SPON1: variants seen among roughly 807,000 people sequenced by gnomAD.
SPON1 encodes spondin 1.
SPON1 carries 52 observed loss-of-function variants against 111.7 expected under a neutral mutation model. The observed-to-expected ratio is 0.47, with a 90% CI of 0.37 to 0.59. SPON1 has a LOEUF of 0.59. Ranked by LOEUF, SPON1 falls within the 20% of genes least tolerant of loss-of-function variation. The pLI is 0.00. For missense variants in SPON1, 957 were observed against 1,068.5 expected (o/e 0.90, Z 1.46); for synonymous variants, 410 against 395.8 (o/e 1.04, Z -0.43).
chr11:13,979,518 C>G (rs1481468023), intron 1 of SPON1, among the ~76,000 whole-genome samples: 1 of 152,172 alleles, frequency 6.6e-6, no homozygotes, highest in Non-Finnish European at 1.5e-5. Flanking sequence ...GTAGGGGAAG[C>G]AGGACAGCAA....
chr11:14,207,396 G>C (rs924155309), intron 6 of SPON1, among the ~76,000 whole-genome samples: 2 of 152,044 alleles, frequency 1.3e-5, no homozygotes, highest in Non-Finnish European at 2.9e-5. Context: ...CTGCACAGGA[G>C]AGGAAAGTAT....
chr11:13,994,165 T>C (rs551690917), intron 2 of SPON1, among the ~76,000 whole-genome samples: 142 of 152,322 alleles, frequency 9.3e-4, no homozygotes, highest in African/African-American at 3.1e-3. Context: ...AAAATGCTAT[T>C]GCAAGCTTGT....
At position 14,135,314 on chromosome 11, in the gene SPON1, AGTGCTCTTT is replaced by A; in HGVS notation, c.677-104_677-96del. The A allele has an allele frequency of 7.8e-7, 1 of 1,274,804 alleles. No individual in the cohort carries two copies. Among genetic ancestry groups the A allele is most frequent in the Non-Finnish European group, 1.1e-6 (1 of 909,594 alleles). 79.0% of individuals were successfully genotyped at this position (1,274,804 alleles called of 1,614,324 possible). On this transcript the variant is annotated intron_variant, in intron 5 of 15. Transcript: ENST00000576479. The surrounding 1 kb of genome is among the most constrained non-coding windows in gnomAD (Gnocchi z 4.4). ...CCTAAGACAGAATAGGTGCTTAGTC[AGTGCTCTTT>A]GAATCGATGTCCAATTACGCATCCT...
intron 2 of SPON1, among the ~76,000 whole-genome samples, chr11:14,040,461 G>A (rs1554917168): frequency 6.6e-6 from 1 of 152,060 alleles, no homozygotes; most frequent in African/African-American, 2.4e-5. Context: ...ATGCTAAGTA[G>A]AGGAGGAAAA....
intron 2 of SPON1, among the ~76,000 whole-genome samples, chr11:14,034,482 C>G (rs782317557): frequency 6.6e-6 from 1 of 152,180 alleles, no homozygotes; most frequent in Non-Finnish European, 1.5e-5. Flanking sequence ...TTCTGAGAAG[C>G]AAACAATGTT....
chr11:14,103,420 C>A (rs1387499564), intron 5 of SPON1, among the ~76,000 whole-genome samples: 1 of 152,168 alleles, frequency 6.6e-6, no homozygotes, highest in Non-Finnish European at 1.5e-5. Flanking sequence ...CCTAGTCCTG[C>A]AGACATCTGG....
chr11:14,161,306 T>TATATATATATATTTATATATTTATATATA (rs1349583068), intron 6 of SPON1, among the ~76,000 whole-genome samples: 1 of 75,798 alleles, frequency 1.3e-5, no homozygotes, highest in African/African-American at 5.0e-5. Context: ...TATATATATA[T>TATATATATATATTTATATATTTATATATA]TTTTTTATAT....
At chr11:14,138,966 T>C in intron 6 of SPON1, among the ~76,000 whole-genome samples, 1 of 152,160 alleles carries the variant, frequency 6.6e-6, no homozygotes, top group Non-Finnish European at 1.5e-5. Context: ...CTGATGCCCC[T>C]GCCTCTGATT....
At chr11:14,159,142 T>G (rs1554930667) in intron 6 of SPON1, among the ~76,000 whole-genome samples, 1 of 152,154 alleles carries the variant, frequency 6.6e-6, no homozygotes, top group African/African-American at 2.4e-5. Flanking sequence ...CTTATAGTAA[T>G]TAGTAAGACT....
At chr11:14,001,615 C>T (rs782238875) in intron 2 of SPON1, among the ~76,000 whole-genome samples, 5 of 152,130 alleles carry the variant, frequency 3.3e-5, no homozygotes, top group South Asian at 2.1e-4. Flanking sequence ...AAAGATAGAC[C>T]GTTACCCTTT....
At position 14,259,745 on chromosome 11, in the gene SPON1, AGGCGTGGAGGGCCAT is replaced by A; in HGVS notation, c.1831+48_1831+62del. ...GGACTTGGAGGAGGCCACTGGGGAC[AGGCGTGGAGGGCCAT>A]GGCATCCACTATTACCACCATAAAG... On this transcript the variant is annotated intron_variant, in intron 13 of 15. Transcript: ENST00000576479. This position sits in a 1 kb window ranked among gnomAD's most constrained non-coding sequence, Gnocchi z 5.0. The A allele has an allele frequency of 6.5e-7, 1 of 1,535,194 alleles. No homozygotes were observed. Among genetic ancestry groups the A allele is most frequent in the African/African-American group, 1.4e-5 (1 of 73,152 alleles).
chr11:14,222,498 G>A (rs1848691803), intron 6 of SPON1, among the ~76,000 whole-genome samples: 1 of 152,150 alleles, frequency 6.6e-6, no homozygotes, highest in Admixed American at 6.5e-5. Flanking sequence ...GCTGAGGTGG[G>A]ATCTGAACAT....
intron 2 of SPON1, among the ~76,000 whole-genome samples, chr11:14,015,635 G>C (rs1404271503): frequency 6.6e-6 from 1 of 152,234 alleles, no homozygotes; most frequent in Non-Finnish European, 1.5e-5. Context: ...GAATTGATAT[G>C]TCAAAGATGT....
At chr11:14,191,789 G>T (rs1200584827) in intron 6 of SPON1, among the ~76,000 whole-genome samples, 4 of 152,180 alleles carry the variant, frequency 2.6e-5, no homozygotes, top group Admixed American at 2.0e-4. Flanking sequence ...GATTATGAAA[G>T]CTGTAATGGT....
chr11:13,968,507 A>G (rs1421893037), intron 1 of SPON1, among the ~76,000 whole-genome samples: 1 of 152,278 alleles, frequency 6.6e-6, no homozygotes, highest in Non-Finnish European at 1.5e-5. Flanking sequence ...TTAATTGTGT[A>G]TTATTACATA....
Position 13,966,228 on chromosome 11 carries a change from T to C in SPON1, c.238+3086T>C, listed in dbSNP as rs926971991. Among the ~76,000 whole-genome samples, 18 of 152,196 alleles carry C rather than the reference T, an allele frequency of 1.2e-4. 1 individual carries two copies. In the South Asian group the frequency reaches 3.5e-3, roughly 30 times the overall value. On this transcript the variant is annotated intron_variant, in intron 1 of 15. Transcript: ENST00000576479. ...TCCCCCCTCCCTCCAACGGCAATAA[T>C]TGTGCTTTAGAAAGCTCTGAAAGGC... is the stretch of plus-strand genomic sequence containing the variant.
At chr11:14,090,158 ACAGTTCTGT>A (rs1401752703) in intron 5 of SPON1, among the ~76,000 whole-genome samples, 6 of 150,200 alleles carry the variant, frequency 4.0e-5, no homozygotes, top group African/African-American at 1.5e-4. Context: ...GAGTGAATGA[ACAGTTCTGT>A]CTTGCTGGAG....
intron 6 of SPON1, among the ~76,000 whole-genome samples, chr11:14,175,660 G>C (rs1479284604): frequency 1.3e-5 from 2 of 152,138 alleles, no homozygotes; most frequent in Admixed American, 1.3e-4. Flanking sequence ...GAGAAAGAGA[G>C]AGCAAGCAGA....
intron 3 of SPON1, among the ~76,000 whole-genome samples, chr11:14,055,554 A>T (rs1486037052): frequency 6.6e-6 from 1 of 152,248 alleles, no homozygotes; most frequent in Non-Finnish European, 1.5e-5. Flanking sequence ...TTAACGTCCC[A>T]AGAATCTGTG....
Sources: gnomAD v4.1 joint callset for allele counts (sites outside exome capture counted in the v4.1 genomes callset) on GRCh38, gnomAD v4.1.1 for gene constraint, Gnocchi (gnomAD v3.1) non-coding constraint, MANE v1.5 for transcripts, NCBI Gene and HGNC (gene_info 2026-07-23, HGNC 2026-07-21) for gene names.